Variants in PIBF1 observed in about 807,000 individuals in gnomAD.
PIBF1 encodes progesterone immunomodulatory binding factor 1, also known as progesterone-induced-blocking factor 1.
A neutral mutation model predicts 112.5 loss-of-function variants in PIBF1; 90 were observed. That is an observed-to-expected ratio of 0.80 (90% CI 0.67 to 0.95). The LOEUF (loss-of-function observed/expected upper bound fraction) is 0.95. Ranked by LOEUF, PIBF1 falls within the 40% of genes least tolerant of loss-of-function variation. PIBF1 has a pLI of 0.00. For synonymous variants in PIBF1, 301 were observed against 288.6 expected (o/e 1.04, Z -0.44); for missense variants, 915 against 852.3 (o/e 1.07, Z -0.92).
intron 14 of PIBF1, among the ~76,000 whole-genome samples, chr13:72,950,259 C>G (rs1195042500): frequency 6.6e-6 from 1 of 152,164 alleles, no homozygotes; most frequent in Non-Finnish European, 1.5e-5. Context: ...ATGGCTAAGA[C>G]TCAGAGAACC....
Position 72,806,714 on chromosome 13 carries a change from A to G in PIBF1, c.672+8688A>G, listed in dbSNP as rs759319636. ...AAAGGACATTAACTCTTCCTTTTTTATGGCTGCATAGTATTCCATGGTGTA... is the reference window on the plus strand; with the variant it reads ...AAAGGACATTAACTCTTCCTTTTTTGTGGCTGCATAGTATTCCATGGTGTA... On this transcript the variant is annotated intron_variant, in intron 5 of 17. Coordinates refer to ENST00000326291, the MANE Select transcript of PIBF1 (RefSeq NM_006346.4). Among the ~76,000 whole-genome samples the G allele has an allele frequency of 1.2e-4, 18 of 152,180 alleles. 1 individual carries two copies. Among genetic ancestry groups the G allele is most frequent in the Non-Finnish European group, 2.5e-4 (17 of 67,996 alleles).
At chr13:72,907,519 A>G (rs2040742325) in intron 11 of PIBF1, among the ~76,000 whole-genome samples, 1 of 152,108 alleles carries the variant, frequency 6.6e-6, no homozygotes, top group South Asian at 2.1e-4. Flanking sequence ...ACTATGTTCT[A>G]GGTACTCTGC....
intron 15 of PIBF1, among the ~76,000 whole-genome samples, chr13:72,970,312 C>T (rs998292618): frequency 6.6e-6 from 1 of 152,160 alleles, no homozygotes; most frequent in African/African-American, 2.4e-5. Context: ...TGTTAACTTT[C>T]TTCCACCAAG....
chr13:72,874,235 A>G (rs1324724059), intron 10 of PIBF1, among the ~76,000 whole-genome samples: 2 of 152,180 alleles, frequency 1.3e-5, no homozygotes, highest in African/African-American at 2.4e-5. Context: ...AAGACCCAGC[A>G]TTCCTATTTC....
chr13:72,956,962 T>C (rs1190908502), intron 14 of PIBF1, among the ~76,000 whole-genome samples: 1 of 152,158 alleles, frequency 6.6e-6, no homozygotes, highest in African/African-American at 2.4e-5. Flanking sequence ...AACTGCAAAG[T>C]GATACCACCT....
In PIBF1 at chr13:72,783,406, TG is replaced by T; in HGVS notation, c.-47-16del. 1 of 1,087,650 alleles carries T rather than the reference TG, an allele frequency of 9.2e-7. No homozygotes were observed. The highest frequency in any genetic ancestry group is 2.4e-5 in the East Asian group (1 of 41,938). 67.4% of individuals were successfully genotyped at this position (1,087,650 alleles called of 1,614,324 possible). A position where few individuals can be genotyped will look rare whatever the true frequency, so the allele number is the denominator to read the frequency against. ...TAATTTTATAGTACATTTGAATTAA[TG>T]TTTTTTAACCTACAGAATATTAAAA... is the stretch of plus-strand genomic sequence containing the variant. On this transcript the variant is annotated splice_polypyrimidine_tract_variant and intron_variant, in intron 1 of 17. Transcript: ENST00000326291.
At chr13:72,848,020 A>G (rs552921430) in intron 9 of PIBF1, among the ~76,000 whole-genome samples, 3 of 152,326 alleles carry the variant, frequency 2.0e-5, no homozygotes, top group East Asian at 1.9e-4. Context: ...ATTTACTTCT[A>G]TTAGCCAAAA....
chr13:72,978,952 A>C (rs1362301152), intron 16 of PIBF1, among the ~76,000 whole-genome samples: 2 of 152,154 alleles, frequency 1.3e-5, no homozygotes, highest in Admixed American at 1.3e-4. Flanking sequence ...CCCAGCACTC[A>C]AAAAGGCCAA....
intron 13 of PIBF1, among the ~76,000 whole-genome samples, chr13:72,921,672 C>T (rs1450303081): frequency 4.6e-5 from 7 of 152,006 alleles, no homozygotes; most frequent in Admixed American, 3.3e-4. Context: ...ATTTTCATTA[C>T]TTAATTGTAT....
At chr13:72,800,481 G>A (rs1428043634) in intron 5 of PIBF1, among the ~76,000 whole-genome samples, 2 of 152,200 alleles carry the variant, frequency 1.3e-5, no homozygotes, top group Admixed American at 6.5e-5. Context: ...TCATCTCTGC[G>A]ACTTGATAAC....
intron 13 of PIBF1, among the ~76,000 whole-genome samples, chr13:72,924,582 C>T (rs1474178679): frequency 2.6e-5 from 4 of 152,090 alleles, no homozygotes; most frequent in African/African-American, 9.7e-5. Context: ...ATGAGCCAAT[C>T]ACCCTAATGC....
intron 10 of PIBF1, among the ~76,000 whole-genome samples, chr13:72,859,222 G>T (rs2038582992): frequency 6.6e-6 from 1 of 152,102 alleles, no homozygotes; most frequent in Non-Finnish European, 1.5e-5. Flanking sequence ...GTTAGGATGG[G>T]TTCTCTAAAA....
intron 9 of PIBF1, among the ~76,000 whole-genome samples, chr13:72,837,688 T>A (rs1308674038): frequency 6.6e-6 from 1 of 150,418 alleles, no homozygotes; most frequent in Non-Finnish European, 1.5e-5. Context: ...CTCCTTAGAC[T>A]TTTATTATCT....
At chr13:72,867,328 C>CT (rs889779950) in intron 10 of PIBF1, among the ~76,000 whole-genome samples, 1 of 152,124 alleles carries the variant, frequency 6.6e-6, no homozygotes, top group Non-Finnish European at 1.5e-5. Flanking sequence ...CATTAAACCT[C>CT]TTTTTTTGTA....
chr13:72,925,906 T>A (rs1362027757), intron 13 of PIBF1, among the ~76,000 whole-genome samples: 1 of 152,180 alleles, frequency 6.6e-6, no homozygotes, highest in African/African-American at 2.4e-5. Flanking sequence ...AATGGTGCAT[T>A]TTGAAGCCCA....
intron 17 of PIBF1, among the ~76,000 whole-genome samples, chr13:73,012,832 A>T (rs1386259620): frequency 6.6e-6 from 1 of 151,986 alleles, no homozygotes; most frequent in East Asian, 1.9e-4. Context: ...CAAGGACTAA[A>T]GGATGACTAC....
At chr13:73,007,493 A>ATTCTT (rs1358065483) in intron 17 of PIBF1, among the ~76,000 whole-genome samples, 1 of 152,104 alleles carries the variant, frequency 6.6e-6, no homozygotes, top group Non-Finnish European at 1.5e-5. Flanking sequence ...TCTATTGTAT[A>ATTCTT]TTCTTTGTTC....
At chr13:72,853,196 CATT>C (rs1219553255) in intron 9 of PIBF1, among the ~76,000 whole-genome samples, 2 of 151,996 alleles carry the variant, frequency 1.3e-5, no homozygotes, top group Non-Finnish European at 2.9e-5. Context: ...CCCAGTTAGT[CATT>C]GTTGTTATCT....
At chr13:72,852,261 A>G (rs2038195744) in intron 9 of PIBF1, among the ~76,000 whole-genome samples, 1 of 152,198 alleles carries the variant, frequency 6.6e-6, no homozygotes, top group Non-Finnish European at 1.5e-5. Context: ...GGGGCTCTGC[A>G]GTTCCTGGCA....
Sources: allele counts gnomAD v4.1 joint callset (sites outside exome capture counted in the v4.1 genomes callset), GRCh38; gene constraint gnomAD v4.1.1; transcripts MANE v1.5; gene names NCBI Gene and HGNC (gene_info 2026-07-23, HGNC 2026-07-21).